SLC25A21: variants seen among roughly 807,000 people sequenced by gnomAD.
The protein encoded by SLC25A21 is solute carrier family 25 member 21.
A neutral mutation model predicts 43.8 loss-of-function variants in SLC25A21; 47 were observed. That is an observed-to-expected ratio of 1.07 (90% confidence interval 0.85 to 1.37). The LOEUF is 1.37. SLC25A21 is among the 40% of genes most tolerant of loss of function. The pLI, the probability that SLC25A21 is intolerant of heterozygous loss-of-function variation, is 0.00. For synonymous variants in SLC25A21, 131 were observed against 121.3 expected (o/e 1.08, Z -0.52); for missense variants, 352 against 350.2 (o/e 1.00, Z -0.04).
intron 1 of SLC25A21, among the ~76,000 whole-genome samples, chr14:36,932,959 G>A (rs1892331890): frequency 6.6e-6 from 1 of 152,004 alleles, no homozygotes; most frequent in Non-Finnish European, 1.5e-5. Context: ...TAATTACTCT[G>A]AGCCTTAAAA....
chr14:37,043,856 T>A (rs1961526354), intron 1 of SLC25A21, among the ~76,000 whole-genome samples: 1 of 151,912 alleles, frequency 6.6e-6, no homozygotes, highest in Non-Finnish European at 1.5e-5. Flanking sequence ...TGCCTCAGCC[T>A]CCCAAGTAGC....
chr14:36,931,180 T>C (rs1368382761), intron 1 of SLC25A21, among the ~76,000 whole-genome samples: 1 of 152,148 alleles, frequency 6.6e-6, no homozygotes, highest in Non-Finnish European at 1.5e-5. Context: ...CTTAAAGAAA[T>C]ACTAATTGAA....
chr14:37,097,038 T>TG (rs1555346752), intron 1 of SLC25A21: 4 of 150,882 alleles, frequency 2.7e-5, no homozygotes, highest in East Asian at 3.9e-4. Context: ...TGTTTTTTTT[T>TG]TTTGTTTTTT....
intron 1 of SLC25A21, among the ~76,000 whole-genome samples, chr14:36,953,486 T>C (rs143228931): frequency 6.0e-4 from 91 of 152,260 alleles, no homozygotes; most frequent in African/African-American, 2.0e-3. Flanking sequence ...TTATAAGTGG[T>C]TAGCTCAAAA....
chr14:37,117,801 C>T (rs538025430), intron 1 of SLC25A21, among the ~76,000 whole-genome samples: 1 of 152,146 alleles, frequency 6.6e-6, no homozygotes, highest in East Asian at 1.9e-4. Flanking sequence ...GATAAAAATA[C>T]AGGATCACAA....
chr14:36,775,357 A>G (rs1261701379), intron 3 of SLC25A21, among the ~76,000 whole-genome samples: 1 of 152,238 alleles, frequency 6.6e-6, no homozygotes, highest in Non-Finnish European at 1.5e-5. Context: ...TAAAGTAACC[A>G]GGGAAGTGAA....
intron 1 of SLC25A21, among the ~76,000 whole-genome samples, chr14:36,985,828 T>G (rs1378263298): frequency 6.6e-6 from 1 of 152,200 alleles, no homozygotes; most frequent in East Asian, 1.9e-4. Flanking sequence ...CAGAGAGAAC[T>G]CAACAACTCC....
intron 1 of SLC25A21, among the ~76,000 whole-genome samples, chr14:37,102,847 T>C (rs1043045324): frequency 1.3e-5 from 2 of 151,530 alleles, no homozygotes; most frequent in South Asian, 2.1e-4. Flanking sequence ...AAGCCAGGCA[T>C]GGTGGCAGGC....
chr14:36,833,684 G>T (rs1889112155), intron 2 of SLC25A21, among the ~76,000 whole-genome samples: 1 of 152,166 alleles, frequency 6.6e-6, no homozygotes, highest in Admixed American at 6.5e-5. Flanking sequence ...ACAGGGACAG[G>T]TTATGTCCCA....
At chr14:37,120,503 T>C (rs1314122051) in intron 1 of SLC25A21, among the ~76,000 whole-genome samples, 1 of 152,156 alleles carries the variant, frequency 6.6e-6, no homozygotes, top group African/African-American at 2.4e-5. Flanking sequence ...CTGCCTTTTA[T>C]CCAGAGTTAG....
intron 2 of SLC25A21, among the ~76,000 whole-genome samples, chr14:36,822,217 C>G (rs967314560): frequency 1.3e-5 from 2 of 152,242 alleles, no homozygotes; most frequent in Admixed American, 1.3e-4. Flanking sequence ...GGCCTGGCAT[C>G]AATTAACACT....
chr14:36,999,248 C>T (rs1162068590), intron 1 of SLC25A21, among the ~76,000 whole-genome samples: 1 of 152,020 alleles, frequency 6.6e-6, no homozygotes, highest in Non-Finnish European at 1.5e-5. Context: ...AAACTTAAGT[C>T]CGTATTACTC....
chr14:36,756,186 G>A (rs1308322805), intron 3 of SLC25A21, among the ~76,000 whole-genome samples: 2 of 152,200 alleles, frequency 1.3e-5, no homozygotes, highest in Non-Finnish European at 2.9e-5. Flanking sequence ...CCCTGCCAGG[G>A]CCTGGGTGGA....
intron 1 of SLC25A21, among the ~76,000 whole-genome samples, chr14:37,101,399 C>T (rs1209479982): frequency 6.6e-6 from 1 of 152,128 alleles, no homozygotes; most frequent in African/African-American, 2.4e-5. Context: ...GTGAGATATA[C>T]CCCGAATCTT....
In SLC25A21 at chr14:36,969,738, C is replaced by T. The variant is rs568337385; in HGVS notation, c.71-94734G>A. On this transcript the variant is annotated intron_variant, in intron 1 of 9. Coordinates refer to ENST00000331299, the MANE Select transcript of SLC25A21 (RefSeq NM_030631.4). ...AACTCTTGGGCTCAGGCCATCCTACCTCCTTGGCCTCCCAAAATGTTGAGA... is the reference window on the plus strand; with the variant it reads ...AACTCTTGGGCTCAGGCCATCCTACTTCCTTGGCCTCCCAAAATGTTGAGA... 3.3e-5 allele frequency among the ~76,000 whole-genome samples: 5 copies of T among 152,102 alleles called. No individual in the cohort carries two copies. In the East Asian group the frequency reaches 5.8e-4, roughly 18 times the overall value.
intron 1 of SLC25A21, among the ~76,000 whole-genome samples, chr14:37,149,920 A>C (rs1029681934): frequency 2.0e-5 from 3 of 152,194 alleles, no homozygotes; most frequent in African/African-American, 7.2e-5. Flanking sequence ...GTTTGATTAC[A>C]GAAGCAAGCA....
chr14:36,830,260 T>C (rs1888988377), intron 2 of SLC25A21, among the ~76,000 whole-genome samples: 1 of 152,238 alleles, frequency 6.6e-6, no homozygotes, highest in South Asian at 2.1e-4. Context: ...TTTGTTTTAC[T>C]GGCATTAGTT....
At chr14:36,952,097 G>T (rs1295189114) in intron 1 of SLC25A21, among the ~76,000 whole-genome samples, 1 of 152,046 alleles carries the variant, frequency 6.6e-6, no homozygotes, top group Non-Finnish European at 1.5e-5. Context: ...ACTGGGCATG[G>T]TGGTGCGTGC....
intron 3 of SLC25A21, among the ~76,000 whole-genome samples, chr14:36,772,476 T>C (rs1369801567): frequency 6.6e-6 from 1 of 152,196 alleles, no homozygotes; most frequent in Admixed American, 6.5e-5. Context: ...TTTATTCATG[T>C]TTTATCTTTC....
Sources: allele counts gnomAD v4.1 joint callset (sites outside exome capture counted in the v4.1 genomes callset), GRCh38; gene constraint gnomAD v4.1.1; transcripts MANE v1.5; gene names NCBI Gene and HGNC (gene_info 2026-07-23, HGNC 2026-07-21).